Variants in TBL1XR1 observed in about 807,000 individuals in gnomAD.
The protein encoded by TBL1XR1 is F-box-like/WD repeat-containing protein TBL1XR1.
Under a neutral mutation model 66.9 loss-of-function variants are expected in TBL1XR1, and 5 were observed. The observed-to-expected ratio is 0.07, with a 90% CI of 0.04 to 0.16. The LOEUF is 0.16. TBL1XR1 is among the 10% of genes least tolerant of loss of function. The pLI is 1.00. For missense variants in TBL1XR1, 238 were observed against 623.2 expected (o/e 0.38, Z 6.58); for synonymous variants, 210 against 206.0 (o/e 1.02, Z -0.17).
chr3:177,075,262 T>C (rs1408068035), intron 2 of TBL1XR1, among the ~76,000 whole-genome samples: 5 of 152,234 alleles, frequency 3.3e-5, no homozygotes, highest in African/African-American at 9.6e-5. Flanking sequence ...CATGGCCACC[T>C]TGCTTTGTGT....
At chr3:177,172,138 G>A (rs1306561090) in intron 1 of TBL1XR1, among the ~76,000 whole-genome samples, 2 of 151,990 alleles carry the variant, frequency 1.3e-5, no homozygotes, top group Non-Finnish European at 2.9e-5. Context: ...GCACGCACCT[G>A]TAATCCCAAC....
chr3:177,105,048 C>T (rs528788364), intron 1 of TBL1XR1, among the ~76,000 whole-genome samples: 68 of 152,256 alleles, frequency 4.5e-4, no homozygotes, highest in African/African-American at 1.3e-3. Flanking sequence ...CAAAAGCTTC[C>T]GGTTCACAAA....
chr3:177,131,877 C>G (rs1375591894), intron 1 of TBL1XR1, among the ~76,000 whole-genome samples: 1 of 149,316 alleles, frequency 6.7e-6, no homozygotes, highest in Non-Finnish European at 1.5e-5. Context: ...GATTCCTGCT[C>G]TACTGGCATT....
rs754104269 is a variant in TBL1XR1 at position 177,053,733 on chromosome 3, A to G, written c.204+40T>C. The G allele has an allele frequency of 3.8e-6, 6 of 1,577,430 alleles. No homozygotes were observed. In the African/African-American group the frequency reaches 6.7e-5, roughly 18 times the overall value. ...AGACAGCTGACTTAACGGCATATTT[A>G]AGATGAAAAAAATCAGTATTTGAAA... is the stretch of plus-strand genomic sequence containing the variant. On this transcript the variant is annotated intron_variant, in intron 4 of 15. Transcript: ENST00000457928.
intron 3 of TBL1XR1, among the ~76,000 whole-genome samples, chr3:177,057,298 G>C (rs937660891): frequency 3.3e-5 from 5 of 152,118 alleles, no homozygotes; most frequent in African/African-American, 1.2e-4. Flanking sequence ...GCTGATCCTA[G>C]AATTTCTGTA....
At chr3:177,170,745 C>T (rs1312883797) in intron 1 of TBL1XR1, among the ~76,000 whole-genome samples, 2 of 152,124 alleles carry the variant, frequency 1.3e-5, no homozygotes, top group African/African-American at 4.8e-5. Context: ...CCTGGGAATA[C>T]AGGCATGCAC....
chr3:177,113,874 A>T (rs1259572711), intron 1 of TBL1XR1, among the ~76,000 whole-genome samples: 1 of 152,182 alleles, frequency 6.6e-6, no homozygotes, highest in African/African-American at 2.4e-5. Flanking sequence ...TGCTGCTGAG[A>T]ATATGGAGAA....
At chr3:177,121,728 ACAATCCCATCGAGG>A (rs1726996967) in intron 1 of TBL1XR1, among the ~76,000 whole-genome samples, 2 of 152,180 alleles carry the variant, frequency 1.3e-5, no homozygotes, top group Admixed American at 1.3e-4. Flanking sequence ...AATGAAACTC[ACAATCCCATCGAGG>A]CTGTTCCTTG....
intron 15 of TBL1XR1, chr3:177,025,918 G>C (rs184701937): frequency 3.6e-6 from 1 of 274,710 alleles, no homozygotes; most frequent in Admixed American, 5.3e-5. Context: ...AGCTTTGGAA[G>C]CCATATTTGC....
chr3:177,045,994 A>T (rs1716279823), intron 10 of TBL1XR1, 135 bp downstream of exon 10: 3 of 635,406 alleles, frequency 4.7e-6, no homozygotes, highest in African/African-American at 3.9e-5. Context: ...GTCATGGAAC[A>T]TCAACTCTCC....
At chr3:177,168,708 T>A (rs944798126) in intron 1 of TBL1XR1, among the ~76,000 whole-genome samples, 1 of 152,250 alleles carries the variant, frequency 6.6e-6, no homozygotes, top group African/African-American at 2.4e-5. Context: ...TACAAACTTG[T>A]ATACATTTAA....
At chr3:177,031,361 G>T (rs540071796) in intron 14 of TBL1XR1, among the ~76,000 whole-genome samples, 5 of 150,628 alleles carry the variant, frequency 3.3e-5, no homozygotes, top group Non-Finnish European at 7.4e-5. Flanking sequence ...TTGAGACAGG[G>T]TCTCACTCTG....
chr3:177,136,803 CCTGT>C (rs1313849817), intron 1 of TBL1XR1, among the ~76,000 whole-genome samples: 1 of 152,104 alleles, frequency 6.6e-6, no homozygotes, highest in African/African-American at 2.4e-5. Context: ...ACTGGCTGGT[CCTGT>C]CTTTTACTCT....
At chr3:177,197,841 G>C (rs1373528070), upstream of TBL1XR1, among the ~76,000 whole-genome samples, 2 of 147,764 alleles carry the variant, frequency 1.4e-5, no homozygotes, top group African/African-American at 4.9e-5. Flanking sequence ...TCGGGGCCCC[G>C]GGCCGCCCGC....
At chr3:177,036,770 GTTAAAT>G (rs1714848874) in intron 12 of TBL1XR1, among the ~76,000 whole-genome samples, 1 of 152,168 alleles carries the variant, frequency 6.6e-6, no homozygotes, top group South Asian at 2.1e-4. Context: ...GTTTCGCAAA[GTTAAAT>G]TTAATCTGTT....
At chr3:177,038,243 T>C in intron 11 of TBL1XR1, 70 bp downstream of exon 11, 2 of 1,598,738 alleles carry the variant, frequency 1.3e-6, no homozygotes, top group Admixed American at 3.5e-5. Context: ...TAAACATACA[T>C]ACTTTAAAAC....
At chr3:177,124,047 T>A (rs1727310747) in intron 1 of TBL1XR1, among the ~76,000 whole-genome samples, 1 of 152,054 alleles carries the variant, frequency 6.6e-6, no homozygotes, top group African/African-American at 2.4e-5. Context: ...TCATTCTCAC[T>A]CTTCACTGTT....
chr3:177,186,411 G>A lies in TBL1XR1; in HGVS notation c.-122+10710C>T, dbSNP rs12636464. Among the ~76,000 whole-genome samples the A allele has an allele frequency of 0.041, 6,200 of 149,966 alleles. 744 individuals are homozygous for A. The East Asian group carries it at 0.49, about 12-fold the overall frequency. On this transcript the variant is annotated intron_variant, in intron 1 of 15. Coordinates refer to ENST00000457928, the MANE Select transcript of TBL1XR1 (RefSeq NM_024665.7). ...CCATAAAAAGGTAATTGCAGAAAAAGAAAAGATAAATTCATTATCTATTCT... is the reference window on the plus strand; with the variant it reads ...CCATAAAAAGGTAATTGCAGAAAAAAAAAAGATAAATTCATTATCTATTCT...
At chr3:177,067,702 T>G (rs1719350384) in intron 2 of TBL1XR1, among the ~76,000 whole-genome samples, 1 of 148,624 alleles carries the variant, frequency 6.7e-6, no homozygotes, top group Non-Finnish European at 1.5e-5. Flanking sequence ...GGCAATTAAG[T>G]TTTTTTTTTA....
Sources: gnomAD v4.1 joint callset for allele counts (sites outside exome capture counted in the v4.1 genomes callset) on GRCh38, gnomAD v4.1.1 for gene constraint, MANE v1.5 for transcripts, NCBI Gene and HGNC (gene_info 2026-07-23, HGNC 2026-07-21) for gene names.